PCDHA4: variants seen among roughly 807,000 people sequenced by gnomAD.
The protein encoded by PCDHA4 is protocadherin alpha 4, also known as protocadherin alpha-4.
Under a neutral mutation model 61.4 loss-of-function variants are expected in PCDHA4, and 49 were observed. The ratio of observed to expected loss-of-function variants is 0.80; its 90% CI spans 0.63 to 1.01. The LOEUF (loss-of-function observed/expected upper bound fraction) is 1.01, where lower values mean the gene tolerates loss of function less well. Among genes scored for constraint, PCDHA4 ranks in the 50% least tolerant of loss-of-function variants. PCDHA4 has a pLI of 0.00. For synonymous variants in PCDHA4, 590 were observed against 550.3 expected, an observed-to-expected ratio of 1.07 and a Z score of -1.01; for missense variants, 1,254 against 1,235.8, an observed-to-expected ratio of 1.01 and a Z score of -0.22.
chr5:141,010,377 G>A lies in PCDHA4; in HGVS notation c.*440G>A. 1 of 1,444,554 alleles carries A rather than the reference G, an allele frequency of 6.9e-7. No individual in the cohort carries two copies. The highest frequency in any genetic ancestry group is 1.4e-5 in the South Asian group (1 of 71,996). The allele number at this position is 1,444,554 out of a possible 1,614,324, so 89.5% of individuals were successfully genotyped here. ...GGCTACCGCGGGTATGCGAGTGCCA[G>A]ATATTGGCTGAGACGAGCCAGCTTA... On this transcript the variant is annotated 3_prime_UTR_variant, in exon 4 of 4. Transcript: ENST00000530339.
intron 2 of PCDHA4, among the ~76,000 whole-genome samples, chr5:140,979,906 C>T (rs190577549): frequency 1.8e-4 from 27 of 152,204 alleles, no homozygotes; most frequent in African/African-American, 5.5e-4. Context: ...TAGATCAGTT[C>T]GTAAAGAGAA....
chr5:140,876,867 G>A, intron 1 of PCDHA4: 1 of 1,614,152 alleles, frequency 6.2e-7, no homozygotes, highest in Non-Finnish European at 8.5e-7. Context: ...TGTTCGTGAA[G>A]GAGAACAACC....
intron 1 of PCDHA4, among the ~76,000 whole-genome samples, chr5:140,964,573 G>A (rs191009049): frequency 3.0e-4 from 45 of 152,274 alleles, no homozygotes; most frequent in African/African-American, 1.9e-4. Flanking sequence ...GAGGAGATAA[G>A]GGGAGGAAAG....
chr5:140,877,320 C>G, intron 1 of PCDHA4: 1 of 1,613,972 alleles, frequency 6.2e-7, no homozygotes, highest in Non-Finnish European at 8.5e-7. Context: ...CGGCGGCGGT[C>G]GGCGCGCACA....
At chr5:140,876,859 T>A in intron 1 of PCDHA4, 1 of 1,614,068 alleles carries the variant, frequency 6.2e-7, no homozygotes, top group Non-Finnish European at 8.5e-7. Flanking sequence ...GTACACAGTG[T>A]TCGTGAAGGA....
In PCDHA4 at chr5:140,882,894, G is replaced by A. The variant is rs1554176001; in HGVS notation, c.2385+73322G>A. The A allele has an allele frequency of 5.6e-6, 9 of 1,614,190 alleles. No homozygotes were observed. The East Asian group carries it at 1.3e-4, about 24-fold the overall frequency. The stretch of plus-strand genomic sequence containing the variant: ...GACAGAGAGGAAATTCAGGAACATA[G>A]TTTATTACTGACAGCCAGTGATGGA... On this transcript the variant is annotated intron_variant, in intron 1 of 3. Coordinates refer to ENST00000530339, the MANE Select transcript of PCDHA4 (RefSeq NM_018907.4).
intron 1 of PCDHA4, among the ~76,000 whole-genome samples, chr5:140,965,230 C>T (rs2095881666): frequency 6.6e-6 from 1 of 152,126 alleles, no homozygotes; most frequent in Non-Finnish European, 1.5e-5. Flanking sequence ...ATGTGAGAAC[C>T]TGGGAAGAGT....
At chr5:140,834,435 A>T (rs2150217910) in intron 1 of PCDHA4, 2 of 1,607,790 alleles carry the variant, frequency 1.2e-6, no homozygotes, top group East Asian at 2.2e-5. Context: ...ACTGCTGTTT[A>T]TTATAATTCT....
chr5:140,827,973 TC>T, intron 1 of PCDHA4: 3 of 1,400,782 alleles, frequency 2.1e-6, no homozygotes, highest in Non-Finnish European at 2.9e-6. Flanking sequence ...ACTGCATCAT[TC>T]CCTGACTGTT....
intron 1 of PCDHA4, among the ~76,000 whole-genome samples, chr5:140,838,628 T>G (rs1364400587): frequency 2.0e-5 from 3 of 151,994 alleles, no homozygotes; most frequent in African/African-American, 7.3e-5. Flanking sequence ...TTACAAATAA[T>G]TTGGTTGGTC....
At chr5:140,978,861 T>C (rs540878929) in intron 1 of PCDHA4, 88 bp from the exon 2 acceptor site, 1 of 1,599,110 alleles carries the variant, frequency 6.3e-7, no homozygotes, top group African/African-American at 1.3e-5. Flanking sequence ...CCTGGAAATA[T>C]TTAAGGGAGT....
At chr5:140,839,779 T>A (rs1475940680) in intron 1 of PCDHA4, among the ~76,000 whole-genome samples, 1 of 152,032 alleles carries the variant, frequency 6.6e-6, no homozygotes, top group Non-Finnish European at 1.5e-5. Context: ...TGGTAAGAAT[T>A]TTGTAGAAAT....
intron 1 of PCDHA4, among the ~76,000 whole-genome samples, chr5:140,900,920 T>G (rs539511607): frequency 2.0e-5 from 3 of 152,204 alleles, no homozygotes; most frequent in Non-Finnish European, 4.4e-5. Context: ...TAAGATGATA[T>G]CTCATTGTAG....
intron 1 of PCDHA4, chr5:140,967,124 A>G (rs782387198): frequency 1.2e-6 from 2 of 1,612,200 alleles, no homozygotes; most frequent in South Asian, 2.2e-5. Context: ...CTGCCTGCTC[A>G]GCTTGGAAGT....
chr5:140,928,585 G>T, intron 1 of PCDHA4: 1 of 1,614,194 alleles, frequency 6.2e-7, no homozygotes, highest in Non-Finnish European at 8.5e-7. Context: ...AAATGGTTCT[G>T]TCCCAGTGGA....
At chr5:140,971,370 G>C (rs2096473492) in intron 1 of PCDHA4, among the ~76,000 whole-genome samples, 3 of 152,194 alleles carry the variant, frequency 2.0e-5, no homozygotes, top group African/African-American at 7.2e-5. Flanking sequence ...CCAGGAGAGT[G>C]CATGACTTTA....
At chr5:140,896,551 A>G (rs1474890462) in intron 1 of PCDHA4, among the ~76,000 whole-genome samples, 1 of 139,892 alleles carries the variant, frequency 7.1e-6, no homozygotes, top group African/African-American at 2.6e-5. Context: ...TTTTTTTTGT[A>G]TTTTAAGTAG....
intron 1 of PCDHA4, among the ~76,000 whole-genome samples, chr5:140,881,835 G>A (rs1048266615): frequency 2.6e-5 from 4 of 152,124 alleles, no homozygotes; most frequent in Non-Finnish European, 5.9e-5. Context: ...AGTTCTGCAT[G>A]GAATTCTTAC....
intron 1 of PCDHA4, among the ~76,000 whole-genome samples, chr5:140,906,410 A>T (rs1454575995): frequency 6.6e-6 from 1 of 152,246 alleles, no homozygotes; most frequent in Non-Finnish European, 1.5e-5. Flanking sequence ...ATATGAAGTC[A>T]ATAAATCTTA....
Sources: gnomAD v4.1 joint callset for allele counts (sites outside exome capture counted in the v4.1 genomes callset) on GRCh38, gnomAD v4.1.1 for gene constraint, MANE v1.5 for transcripts, NCBI Gene and HGNC (gene_info 2026-07-23, HGNC 2026-07-21) for gene names.